RAP1GDS1: variants seen among roughly 807,000 people sequenced by gnomAD.
RAP1GDS1 encodes the protein Rap1 GTPase-GDP dissociation stimulator 1, also known as RAP1, GTP-GDP dissociation stimulator 1.
In RAP1GDS1, 35 loss-of-function variants were observed where a neutral mutation model predicts 71.1. The observed-to-expected ratio is 0.49, with a 90% CI of 0.38 to 0.65. The LOEUF (loss-of-function observed/expected upper bound fraction) is 0.65, where lower values mean the gene tolerates loss of function less well. RAP1GDS1 is among the 30% of genes least tolerant of loss of function. The probability of loss-of-function intolerance (pLI) is 0.00; values close to 1 mark genes in which losing one functional copy is unlikely to be tolerated. For synonymous variants in RAP1GDS1, 229 were observed against 243.1 expected, an observed-to-expected ratio of 0.94 and a Z score of 0.54; for missense variants, 663 against 706.1, an observed-to-expected ratio of 0.94 and a Z score of 0.69.
chr4:98,407,242 C>CT (rs999018091), intron 7 of RAP1GDS1, among the ~76,000 whole-genome samples: 26 of 150,936 alleles, frequency 1.7e-4, no homozygotes, highest in East Asian at 1.9e-4. Flanking sequence ...AATCTTCTCT[C>CT]TTTTTTTTTG....
At chr4:98,324,787 T>G (rs1054028552) in intron 2 of RAP1GDS1, among the ~76,000 whole-genome samples, 1 of 148,840 alleles carries the variant, frequency 6.7e-6, no homozygotes, top group Non-Finnish European at 1.5e-5. Context: ...GGATTAAAGA[T>G]TTAAACGTTA....
chr4:98,314,817 TCA>T (rs1378486073), intron 2 of RAP1GDS1, among the ~76,000 whole-genome samples: 2 of 152,190 alleles, frequency 1.3e-5, no homozygotes, highest in African/African-American at 4.8e-5. Flanking sequence ...TTTCAAAGTG[TCA>T]CAGAGGGGAT....
chr4:98,410,421 G>A (rs954545114), intron 7 of RAP1GDS1, among the ~76,000 whole-genome samples: 3 of 152,092 alleles, frequency 2.0e-5, no homozygotes, highest in Admixed American at 2.0e-4. Flanking sequence ...TGTTGATGAG[G>A]GTGTGGAACA....
chr4:98,424,076 T>C (rs1490941525), intron 12 of RAP1GDS1, among the ~76,000 whole-genome samples: 5 of 152,106 alleles, frequency 3.3e-5, no homozygotes, highest in South Asian at 2.1e-4. Context: ...GGTGGTAGAA[T>C]TGACAGATTC....
chr4:98,273,002 T>C (rs749225605), intron 1 of RAP1GDS1, among the ~76,000 whole-genome samples: 2 of 152,164 alleles, frequency 1.3e-5, no homozygotes, highest in Non-Finnish European at 2.9e-5. Flanking sequence ...TGGTCGACAT[T>C]GAGTTCTTCG....
chr4:98,326,322 G>A (rs1302217683), intron 2 of RAP1GDS1, among the ~76,000 whole-genome samples: 1 of 151,988 alleles, frequency 6.6e-6, no homozygotes, highest in East Asian at 1.9e-4. Flanking sequence ...TCAGCATTAG[G>A]CCATCTTTTA....
intron 12 of RAP1GDS1, among the ~76,000 whole-genome samples, chr4:98,430,352 C>A (rs1230833130): frequency 6.6e-6 from 1 of 152,226 alleles, no homozygotes; most frequent in Non-Finnish European, 1.5e-5. Flanking sequence ...AGCCTTGATT[C>A]TCACACTTTA....
At chr4:98,309,336 T>C (rs1263389868) in intron 2 of RAP1GDS1, among the ~76,000 whole-genome samples, 4 of 152,054 alleles carry the variant, frequency 2.6e-5, no homozygotes, top group African/African-American at 4.8e-5. Flanking sequence ...AATTTATCCA[T>C]TATGTTAAAT....
chr4:98,379,663 G>C (rs1040780258), intron 5 of RAP1GDS1, among the ~76,000 whole-genome samples: 8 of 151,848 alleles, frequency 5.3e-5, no homozygotes, highest in African/African-American at 1.9e-4. Context: ...GTAAACAGCA[G>C]TTTCTTTTCT....
At chr4:98,388,730 AT>A (rs949213382) in intron 5 of RAP1GDS1, among the ~76,000 whole-genome samples, 44 of 149,944 alleles carry the variant, frequency 2.9e-4, no homozygotes, top group Non-Finnish European at 3.9e-4. Context: ...CGTCTCAAAA[AT>A]TTTTTTTTTT....
rs78405021 is a variant in RAP1GDS1 at position 98,415,667 on chromosome 4, G to A, written c.764-1078G>A. ...GAAGTATAATAAAAAGTGTTGATGTGGGGGTGGAGTTTCCTATGAAGATCA... is the reference window on the plus strand; with the variant it reads ...GAAGTATAATAAAAAGTGTTGATGTAGGGGTGGAGTTTCCTATGAAGATCA... On this transcript the variant is annotated intron_variant, in intron 7 of 14. Coordinates refer to ENST00000408927, the MANE Select transcript of RAP1GDS1 (RefSeq NM_001100427.2). 8.8e-3 allele frequency among the ~76,000 whole-genome samples: 1,344 copies of A among 152,214 alleles called. 22 individuals are homozygous for A. The highest frequency in any genetic ancestry group is 0.03 in the African/African-American group (1,262 of 41,544).
intron 12 of RAP1GDS1, among the ~76,000 whole-genome samples, chr4:98,423,010 T>A (rs1749102991): frequency 2.0e-5 from 3 of 152,246 alleles, no homozygotes; most frequent in African/African-American, 7.2e-5. Flanking sequence ...ATTTAACAGT[T>A]AATATTTGAG....
chr4:98,365,067 T>C (rs867391627), intron 4 of RAP1GDS1, among the ~76,000 whole-genome samples: 1 of 152,156 alleles, frequency 6.6e-6, no homozygotes, highest in East Asian at 1.9e-4. Flanking sequence ...TTCTTTATTA[T>C]ATTTGATTTA....
intron 1 of RAP1GDS1, among the ~76,000 whole-genome samples, chr4:98,285,407 A>G (rs1725822213): frequency 6.6e-6 from 1 of 152,196 alleles, no homozygotes; most frequent in Non-Finnish European, 1.5e-5. Context: ...GCTTTATGAT[A>G]AATTTTACCA....
At chr4:98,439,930 C>CATCT (rs1751669983) in intron 14 of RAP1GDS1, among the ~76,000 whole-genome samples, 1 of 152,186 alleles carries the variant, frequency 6.6e-6, no homozygotes, top group Non-Finnish European at 1.5e-5. Flanking sequence ...CACCAGCATC[C>CATCT]ATCTCCAGAA....
intron 7 of RAP1GDS1, among the ~76,000 whole-genome samples, chr4:98,410,200 A>G (rs1254769378): frequency 6.6e-6 from 1 of 152,224 alleles, no homozygotes; most frequent in African/African-American, 2.4e-5. Flanking sequence ...TATAACATAT[A>G]ACTGACAGAG....
intron 7 of RAP1GDS1, among the ~76,000 whole-genome samples, chr4:98,414,014 C>G (rs1197917381): frequency 6.6e-6 from 1 of 152,136 alleles, no homozygotes; most frequent in Non-Finnish European, 1.5e-5. Flanking sequence ...GCATAAATGT[C>G]TTCTTTTGAG....
At chr4:98,328,336 C>T (rs1016666986) in intron 2 of RAP1GDS1, among the ~76,000 whole-genome samples, 3 of 152,286 alleles carry the variant, frequency 2.0e-5, no homozygotes, top group African/African-American at 4.8e-5. Flanking sequence ...CATTGAGGTG[C>T]GTAAGAGTCT....
intron 1 of RAP1GDS1, among the ~76,000 whole-genome samples, chr4:98,284,912 G>C (rs1399313547): frequency 6.6e-6 from 1 of 152,130 alleles, no homozygotes; most frequent in Non-Finnish European, 1.5e-5. Context: ...ACTGTTAGAT[G>C]ATTTAGATCA....
Sources: allele counts gnomAD v4.1 joint callset (sites outside exome capture counted in the v4.1 genomes callset), GRCh38; gene constraint gnomAD v4.1.1; transcripts MANE v1.5; gene names NCBI Gene and HGNC (gene_info 2026-07-23, HGNC 2026-07-21).